The following SLC35F3 variants were observed in gnomAD, a reference collection of about 807,000 sequenced individuals.
SLC35F3 encodes solute carrier family 35 member F3, also known as putative thiamine transporter SLC35F3.
In SLC35F3, 25 loss-of-function variants were observed where a neutral mutation model predicts 49.9. The ratio of observed to expected loss-of-function variants is 0.50; its 90% CI spans 0.37 to 0.70. The LOEUF (loss-of-function observed/expected upper bound fraction) is 0.70. SLC35F3 is among the 30% of genes least tolerant of loss of function. The pLI, the probability that SLC35F3 is intolerant of heterozygous loss-of-function variation, is 0.00. For missense variants in SLC35F3, 525 were observed against 639.8 expected, an observed-to-expected ratio of 0.82 and a Z score of 1.94; for synonymous variants, 275 against 265.4, an observed-to-expected ratio of 1.04 and a Z score of -0.35.
At chr1:234,097,546 A>G (rs568477592) in intron 2 of SLC35F3, among the ~76,000 whole-genome samples, 1 of 150,486 alleles carries the variant, frequency 6.6e-6, no homozygotes, top group Non-Finnish European at 1.5e-5. Flanking sequence ...ACATACACGC[A>G]CACACACGCA....
At chr1:233,922,087 G>C (rs1662072341) in intron 2 of SLC35F3, among the ~76,000 whole-genome samples, 4 of 152,164 alleles carry the variant, frequency 2.6e-5, no homozygotes. Context: ...ATTGTGAATA[G>C]TGCTGCAGTA....
intron 2 of SLC35F3, among the ~76,000 whole-genome samples, chr1:234,025,062 C>T (rs1663957021): frequency 6.6e-6 from 1 of 152,188 alleles, no homozygotes; most frequent in South Asian, 2.1e-4. Flanking sequence ...ATAAGGAGAA[C>T]ATGTGGTATT....
Position 234,323,632 on chromosome 1 carries a change from G to A in SLC35F3, c.*389G>A. The A allele has an allele frequency of 5.0e-6, 1 of 199,462 alleles. No homozygotes were observed. Among genetic ancestry groups the A allele is most frequent in the Non-Finnish European group, 1.0e-5 (1 of 97,172 alleles). The allele number at this position is 199,462 out of a possible 1,614,324, so 12.4% of individuals were successfully genotyped here. Reference sequence around the variant, plus strand: ...CACACTGTGATTATTTTTCAGCTATGGTAGGTCATATTTTGTTTTATACCA... The same window carrying A: ...CACACTGTGATTATTTTTCAGCTATAGTAGGTCATATTTTGTTTTATACCA... On this transcript the variant is annotated 3_prime_UTR_variant, in exon 8 of 8. Transcript: ENST00000366618. The surrounding 1 kb of genome is among the most constrained non-coding windows in gnomAD (Gnocchi z 4.5).
chr1:234,253,976 C>T (rs1039452848), intron 3 of SLC35F3, among the ~76,000 whole-genome samples: 1 of 152,224 alleles, frequency 6.6e-6, no homozygotes, highest in Non-Finnish European at 1.5e-5. Flanking sequence ...CTGCCTCTCA[C>T]ATGGGGATCC....
At chr1:234,096,182 A>T (rs1044000638) in intron 2 of SLC35F3, among the ~76,000 whole-genome samples, 2 of 152,082 alleles carry the variant, frequency 1.3e-5, no homozygotes, top group African/African-American at 4.8e-5. Context: ...CCTTTCCACG[A>T]CTTGTAGTGT....
intron 2 of SLC35F3, among the ~76,000 whole-genome samples, chr1:233,935,549 C>T (rs1662310430): frequency 6.6e-6 from 1 of 152,106 alleles, no homozygotes; most frequent in African/African-American, 2.4e-5. Flanking sequence ...ACGGAGTTTG[C>T]TGTCCAGTGA....
intron 2 of SLC35F3, among the ~76,000 whole-genome samples, chr1:234,166,079 A>G (rs1247683128): frequency 1.3e-5 from 2 of 152,054 alleles, no homozygotes; most frequent in Non-Finnish European, 2.9e-5. Context: ...ATATAACCGC[A>G]TTTTCTTTAT....
At chr1:233,936,263 T>C (rs1662325446) in intron 2 of SLC35F3, among the ~76,000 whole-genome samples, 1 of 152,246 alleles carries the variant, frequency 6.6e-6, no homozygotes, top group East Asian at 1.9e-4. Flanking sequence ...GGAGATGTTA[T>C]TGATATTTTG....
At chr1:234,192,752 A>G (rs1572088991) in intron 2 of SLC35F3, among the ~76,000 whole-genome samples, 1 of 152,330 alleles carries the variant, frequency 6.6e-6, no homozygotes, top group Middle Eastern at 3.4e-3. Context: ...AAATTTCAGG[A>G]TACAAAATTA....
At chr1:234,143,325 G>A (rs1572068021) in intron 2 of SLC35F3, among the ~76,000 whole-genome samples, 1 of 128,732 alleles carries the variant, frequency 7.8e-6, no homozygotes, top group Middle Eastern at 4.9e-3. Flanking sequence ...GCTCACTCTT[G>A]TGGCCCAGGC....
intron 2 of SLC35F3, among the ~76,000 whole-genome samples, chr1:234,107,388 T>G (rs895790599): frequency 2.0e-5 from 3 of 152,152 alleles, no homozygotes; most frequent in Non-Finnish European, 4.4e-5. Flanking sequence ...TAATCTACCA[T>G]TTCAGCTATT....
At chr1:234,169,449 G>A (rs1666365794) in intron 2 of SLC35F3, among the ~76,000 whole-genome samples, 1 of 152,190 alleles carries the variant, frequency 6.6e-6, no homozygotes, top group African/African-American at 2.4e-5. Flanking sequence ...CCGGCTGTGG[G>A]CTCCCAGGCT....
At chr1:233,946,013 A>G (rs1571990753) in intron 2 of SLC35F3, among the ~76,000 whole-genome samples, 1 of 152,252 alleles carries the variant, frequency 6.6e-6, no homozygotes, top group Non-Finnish European at 1.5e-5. Flanking sequence ...AGAACTTCTT[A>G]AAGAGACCAA....
chr1:233,979,391 C>T (rs758714983), intron 2 of SLC35F3, among the ~76,000 whole-genome samples: 1 of 152,120 alleles, frequency 6.6e-6, no homozygotes, highest in Non-Finnish European at 1.5e-5. Flanking sequence ...ATTATTCGGG[C>T]CGAACAGTAC....
At chr1:234,128,123 TAAG>T (rs747697849) in intron 2 of SLC35F3, among the ~76,000 whole-genome samples, 47 of 152,130 alleles carry the variant, frequency 3.1e-4, no homozygotes, top group Non-Finnish European at 6.3e-4. Context: ...ATTAAGACCA[TAAG>T]GAAGAGTAAG....
At chr1:234,215,383 A>G (rs1227255471) in intron 2 of SLC35F3, among the ~76,000 whole-genome samples, 9 of 152,128 alleles carry the variant, frequency 5.9e-5, no homozygotes, top group Admixed American at 5.9e-4. Flanking sequence ...CCAATGGAGA[A>G]GGGGGGCAGA....
At chr1:234,160,158 A>C (rs890749132) in intron 2 of SLC35F3, among the ~76,000 whole-genome samples, 1 of 152,206 alleles carries the variant, frequency 6.6e-6, no homozygotes, top group Non-Finnish European at 1.5e-5. Context: ...TGAAAACTCA[A>C]TATCCTCACT....
At chr1:234,216,580 A>G (rs1667125849) in intron 2 of SLC35F3, among the ~76,000 whole-genome samples, 1 of 152,230 alleles carries the variant, frequency 6.6e-6, no homozygotes, top group African/African-American at 2.4e-5. Context: ...TGCACCTGCT[A>G]ACGCCAGCAG....
chr1:234,048,300 C>T (rs1440314470), intron 2 of SLC35F3, among the ~76,000 whole-genome samples: 1 of 152,090 alleles, frequency 6.6e-6, no homozygotes, highest in Non-Finnish European at 1.5e-5. Flanking sequence ...AATGAGGAAA[C>T]ATTCTGGAGA....
Sources: gnomAD v4.1 joint callset for allele counts (sites outside exome capture counted in the v4.1 genomes callset) on GRCh38, gnomAD v4.1.1 for gene constraint, Gnocchi (gnomAD v3.1) non-coding constraint, MANE v1.5 for transcripts, NCBI Gene and HGNC (gene_info 2026-07-23, HGNC 2026-07-21) for gene names.